PRKAR2B: variants seen among roughly 807,000 people sequenced by gnomAD.
PRKAR2B encodes the protein protein kinase cAMP-dependent type II regulatory subunit beta.
PRKAR2B carries 14 observed loss-of-function variants against 49.9 expected under a neutral mutation model. The ratio of observed to expected loss-of-function variants is 0.28; its 90% CI spans 0.19 to 0.44. The LOEUF is 0.44. Ranked by LOEUF, PRKAR2B falls within the 20% of genes least tolerant of loss-of-function variation. PRKAR2B has a pLI of 1.00. For missense variants in PRKAR2B, 393 were observed against 537.9 expected (o/e 0.73, Z 2.67); for synonymous variants, 196 against 197.7 (o/e 0.99, Z 0.07).
intron 1 of PRKAR2B, among the ~76,000 whole-genome samples, chr7:107,055,147 C>CT (rs1793887266): frequency 1.3e-5 from 2 of 152,108 alleles, no homozygotes; most frequent in African/African-American, 4.8e-5. Context: ...TGAACTGATC[C>CT]TTTTTTATGG....
intron 2 of PRKAR2B, among the ~76,000 whole-genome samples, chr7:107,116,175 C>T (rs925947609): frequency 6.6e-6 from 1 of 152,164 alleles, no homozygotes; most frequent in East Asian, 1.9e-4. Flanking sequence ...TTTATTTCTT[C>T]GGTCATTTTT....
intron 1 of PRKAR2B, among the ~76,000 whole-genome samples, chr7:107,060,873 CA>C (rs1347060621): frequency 3.3e-5 from 5 of 152,032 alleles, no homozygotes; most frequent in Admixed American, 6.5e-5. Flanking sequence ...TATTTTCCTG[CA>C]AAAATTTGTA....
intron 2 of PRKAR2B, among the ~76,000 whole-genome samples, chr7:107,080,441 T>C (rs141698936): frequency 6.6e-6 from 1 of 152,188 alleles, no homozygotes; most frequent in African/African-American, 2.4e-5. Flanking sequence ...TGAGGAAATA[T>C]TTGCAAGCAA....
At chr7:107,061,346 C>T (rs1330553841) in intron 1 of PRKAR2B, among the ~76,000 whole-genome samples, 4 of 152,144 alleles carry the variant, frequency 2.6e-5, no homozygotes, top group Non-Finnish European at 5.9e-5. Flanking sequence ...TTTAATGATA[C>T]TGAGTCTTCC....
intron 2 of PRKAR2B, among the ~76,000 whole-genome samples, chr7:107,083,606 T>G (rs1443012396): frequency 3.3e-5 from 5 of 152,090 alleles, no homozygotes; most frequent in African/African-American, 9.7e-5. Flanking sequence ...CAAGCCTAGT[T>G]TTTTCTTGTT....
intron 2 of PRKAR2B, among the ~76,000 whole-genome samples, chr7:107,119,945 C>A (rs1795357689): frequency 6.6e-6 from 1 of 152,186 alleles, no homozygotes; most frequent in South Asian, 2.1e-4. Context: ...TTCACCAAAG[C>A]AGTCATGTGT....
chr7:107,044,893 C>G lies in PRKAR2B; in HGVS notation c.-15C>G, dbSNP rs749281848. ...GCGAGGGCGGCGCCCAGGCGCCTGCCGCCCCGGAGGCAGGATGAGCATCGA... is the reference window on the plus strand; with the variant it reads ...GCGAGGGCGGCGCCCAGGCGCCTGCGGCCCCGGAGGCAGGATGAGCATCGA... On this transcript the variant is annotated 5_prime_UTR_variant, in exon 1 of 11. Coordinates refer to ENST00000265717, the MANE Select transcript of PRKAR2B (RefSeq NM_002736.3). The G allele has an allele frequency of 1.3e-6, 2 of 1,580,866 alleles. No homozygotes were observed. Among genetic ancestry groups the G allele is most frequent in the South Asian group, 1.1e-5 (1 of 87,408 alleles).
chr7:107,059,550 T>TA (rs2116758004), intron 1 of PRKAR2B, among the ~76,000 whole-genome samples: 1 of 152,110 alleles, frequency 6.6e-6, no homozygotes, highest in South Asian at 2.1e-4. Flanking sequence ...TTTGAGATGT[T>TA]ACATTGATTC....
chr7:107,098,515 A>G (rs1012596449), intron 2 of PRKAR2B, among the ~76,000 whole-genome samples: 3 of 151,982 alleles, frequency 2.0e-5, no homozygotes, highest in Non-Finnish European at 2.9e-5. Context: ...CCTTCTCTCA[A>G]CTCGTCAAAG....
chr7:107,158,486 A>G (rs1584459040), intron 10 of PRKAR2B, among the ~76,000 whole-genome samples: 1 of 152,280 alleles, frequency 6.6e-6, no homozygotes, highest in East Asian at 1.9e-4. Flanking sequence ...ATCGCTTAGG[A>G]ATGTTCTTAT....
chr7:107,067,714 A>G (rs1333357129), intron 1 of PRKAR2B, among the ~76,000 whole-genome samples: 3 of 152,222 alleles, frequency 2.0e-5, no homozygotes, highest in Non-Finnish European at 2.9e-5. Flanking sequence ...AAAGCATTGT[A>G]CTAGGAATCC....
At chr7:107,092,325 C>T (rs1292366359) in intron 2 of PRKAR2B, among the ~76,000 whole-genome samples, 1 of 151,030 alleles carries the variant, frequency 6.6e-6, no homozygotes, top group Non-Finnish European at 1.5e-5. Flanking sequence ...TGTATCATTA[C>T]CAGAAATGGT....
intron 3 of PRKAR2B, among the ~76,000 whole-genome samples, chr7:107,122,908 T>A (rs1344386785): frequency 2.6e-5 from 4 of 152,228 alleles, no homozygotes; most frequent in African/African-American, 9.6e-5. Context: ...GAAGCTCATT[T>A]CTCACTATTA....
chr7:107,105,179 G>A (rs1795049779), intron 2 of PRKAR2B, among the ~76,000 whole-genome samples: 1 of 152,118 alleles, frequency 6.6e-6, no homozygotes, highest in African/African-American at 2.4e-5. Flanking sequence ...CAGCTCTACC[G>A]GGAACTTCCA....
intron 2 of PRKAR2B, among the ~76,000 whole-genome samples, chr7:107,075,754 T>C (rs1429190301): frequency 2.0e-5 from 3 of 152,282 alleles, no homozygotes; most frequent in South Asian, 2.1e-4. Context: ...CTTCTTCTTA[T>C]GAACGTGGTT....
chr7:107,065,316 GTGTGTA>G lies in PRKAR2B; in HGVS notation c.308-4959_308-4954del, dbSNP rs1376326323. Among the ~76,000 whole-genome samples the G allele has an allele frequency of 7.2e-3, 416 of 58,162 alleles. 3 individuals carry two copies. Among genetic ancestry groups the G allele is most frequent in the African/African-American group, 0.038 (310 of 8,112 alleles). The allele number at this position is 58,162 out of a possible 152,430, so 38.2% of individuals were successfully genotyped here. ...TTTTTTATTTTTGTTTGCTCGGGGT[GTGTGTA>G]TGTGTGTGTGTGTGTGTGTGTGTGT... is the stretch of plus-strand genomic sequence containing the variant. On this transcript the variant is annotated intron_variant, in intron 1 of 10. Transcript: ENST00000265717.
In PRKAR2B at chr7:107,158,905, A is replaced by G. The variant is rs1038523093; in HGVS notation, c.1124-544A>G. 6.6e-5 allele frequency among the ~76,000 whole-genome samples: 10 copies of G among 152,194 alleles called. No homozygotes were observed. The South Asian group carries it at 8.3e-4, about 13-fold the overall frequency. On this transcript the variant is annotated intron_variant, in intron 10 of 10. Transcript: ENST00000265717. Reference sequence around the variant, plus strand: ...TAAATCCAGTTTTAAAATCCAGGAGACAGGCAAGCAAAGTGATTTCTAGCA... The same window carrying G: ...TAAATCCAGTTTTAAAATCCAGGAGGCAGGCAAGCAAAGTGATTTCTAGCA...
intron 1 of PRKAR2B, among the ~76,000 whole-genome samples, chr7:107,053,748 G>A (rs932626137): frequency 2.0e-5 from 3 of 152,052 alleles, no homozygotes; most frequent in African/African-American, 7.2e-5. Context: ...TTGTATAGTG[G>A]TAATGTTTTT....
At chr7:107,133,451 G>A (rs1795638417) in intron 4 of PRKAR2B, among the ~76,000 whole-genome samples, 1 of 152,168 alleles carries the variant, frequency 6.6e-6, no homozygotes. Context: ...TATATAAATA[G>A]CAAGCAAAAC....
Sources: gnomAD v4.1 joint callset for allele counts (sites outside exome capture counted in the v4.1 genomes callset) on GRCh38, gnomAD v4.1.1 for gene constraint, MANE v1.5 for transcripts, NCBI Gene and HGNC (gene_info 2026-07-23, HGNC 2026-07-21) for gene names.